DPYD: variants seen among roughly 807,000 people sequenced by gnomAD.
DPYD encodes the protein dihydropyrimidine dehydrogenase [NADP(+)].
In DPYD, 109 loss-of-function variants were observed where a neutral mutation model predicts 116.2. The ratio of observed to expected loss-of-function variants is 0.94; its 90% confidence interval spans 0.80 to 1.10. The LOEUF (loss-of-function observed/expected upper bound fraction) is 1.10. DPYD is among the 50% of genes least tolerant of loss of function. The probability of loss-of-function intolerance (pLI) is 0.00; values close to 1 mark genes in which losing one functional copy is unlikely to be tolerated. For missense variants in DPYD, 1,302 were observed against 1,254.5 expected, an observed-to-expected ratio of 1.04 and a Z score of -0.57; for synonymous variants, 440 against 432.0, an observed-to-expected ratio of 1.02 and a Z score of -0.23.
intron 20 of DPYD, among the ~76,000 whole-genome samples, chr1:97,127,545 AAAT>A (rs1183505136): frequency 6.6e-6 from 1 of 152,102 alleles, no homozygotes; most frequent in East Asian, 1.9e-4. Context: ...ATGACATTCT[AAAT>A]AATTCTAGAA....
At chr1:97,756,374 G>C (rs950107462) in intron 3 of DPYD, among the ~76,000 whole-genome samples, 4 of 152,120 alleles carry the variant, frequency 2.6e-5, no homozygotes, top group African/African-American at 9.7e-5. Context: ...AGGCCAATGA[G>C]TCTCCCTTTG....
At chr1:97,181,444 C>A (rs1266710634) in intron 20 of DPYD, among the ~76,000 whole-genome samples, 1 of 152,118 alleles carries the variant, frequency 6.6e-6, no homozygotes, top group Non-Finnish European at 1.5e-5. Context: ...CTACTCATGA[C>A]AATTTACTGC....
chr1:97,164,531 T>C lies in DPYD; in HGVS notation c.2622+28538A>G, dbSNP rs55881838. ...ATGATTCTATATCTAGAAAACCTCATAGTCTTGCCCCAAAAGTTCCTTCAG... is the reference window on the plus strand; with the variant it reads ...ATGATTCTATATCTAGAAAACCTCACAGTCTTGCCCCAAAAGTTCCTTCAG... On this transcript the variant is annotated intron_variant, in intron 20 of 22. Coordinates refer to ENST00000370192, the MANE Select transcript of DPYD (RefSeq NM_000110.4). 7.1e-3 allele frequency among the ~76,000 whole-genome samples: 1,078 copies of C among 152,260 alleles called. 2 individuals are homozygous for C. Among genetic ancestry groups the C allele is most frequent in the Non-Finnish European group, 0.012 (811 of 68,020 alleles).
At chr1:97,903,998 T>C (rs1558043699) in intron 1 of DPYD, among the ~76,000 whole-genome samples, 1 of 151,802 alleles carries the variant, frequency 6.6e-6, no homozygotes. Flanking sequence ...ATAGCTAACA[T>C]CTATTTCCAA....
intron 3 of DPYD, among the ~76,000 whole-genome samples, chr1:97,789,951 G>A (rs1015268885): frequency 1.3e-5 from 2 of 152,032 alleles, no homozygotes; most frequent in South Asian, 2.1e-4. Context: ...AACAAAAAAC[G>A]AAGCCCTTCA....
At chr1:97,171,310 G>GT (rs201981100) in intron 20 of DPYD, among the ~76,000 whole-genome samples, 2,638 of 152,280 alleles carry the variant, frequency 0.017, 35 homozygotes, top group Admixed American at 0.027. Context: ...ATACAGGTGA[G>GT]TAAGTATTGT....
At chr1:97,101,325 G>A (rs961449821) in intron 20 of DPYD, among the ~76,000 whole-genome samples, 2 of 151,776 alleles carry the variant, frequency 1.3e-5, no homozygotes. Flanking sequence ...ATATTAAAGT[G>A]GTCCTAAGGC....
intron 21 of DPYD, among the ~76,000 whole-genome samples, chr1:97,091,493 AAAGGACAAG>A (rs1232990194): frequency 1.1e-4 from 17 of 152,152 alleles, no homozygotes; most frequent in African/African-American, 4.1e-4. Context: ...AACCACAATA[AAAGGACAAG>A]AAGCAATGTC....
At chr1:97,442,879 C>G (rs1389238646) in intron 14 of DPYD, among the ~76,000 whole-genome samples, 1 of 152,138 alleles carries the variant, frequency 6.6e-6, no homozygotes, top group Non-Finnish European at 1.5e-5. Context: ...ATCTCCCTTT[C>G]ACAACATACA....
intron 10 of DPYD, among the ~76,000 whole-genome samples, chr1:97,584,201 A>G (rs1653917895): frequency 6.6e-6 from 1 of 152,152 alleles, no homozygotes; most frequent in South Asian, 2.1e-4. Context: ...TTTTGGCCGC[A>G]TAAATGTCTT....
At chr1:97,402,521 A>G (rs1673431267) in intron 14 of DPYD, among the ~76,000 whole-genome samples, 1 of 152,050 alleles carries the variant, frequency 6.6e-6, no homozygotes, top group Admixed American at 6.6e-5. Context: ...TTTTTGGTCA[A>G]TTCTTTCTGA....
At position 97,305,364 on chromosome 1, in the gene DPYD, C is replaced by T. The variant is rs1801160; in HGVS notation, c.2194G>A (p.Val732Ile). Residue 732 changes from valine to isoleucine, a missense_variant, in exon 18 of 23, where the codon GTT becomes ATT. Physicochemically the swap from Val to Ile is conservative, Grantham distance 29. Coordinates refer to ENST00000370192, the MANE Select transcript of DPYD (RefSeq NM_000110.4). ...CCTGAGACAGTGTTGGTGGCTGTAA[C>T]GCCATTGGCACCACCTATGCAAGAC... Reference protein sequence around the residue: ...RAAKEGGANGVTATNTVSGLM... With the variant: ...RAAKEGGANGITATNTVSGLM... The T allele has an allele frequency of 0.047, 75,368 of 1,612,218 alleles. 2,145 individuals are homozygous for T. Among genetic ancestry groups the T allele is most frequent in the Middle Eastern group, 0.12 (752 of 6,044 alleles).
intron 18 of DPYD, among the ~76,000 whole-genome samples, chr1:97,298,045 T>C (rs1406671548): frequency 6.6e-6 from 1 of 152,210 alleles, no homozygotes; most frequent in African/African-American, 2.4e-5. Flanking sequence ...CTTCATTTAC[T>C]ATAATTTGTT....
chr1:97,872,699 T>C (rs923565032), intron 2 of DPYD, among the ~76,000 whole-genome samples: 1 of 151,974 alleles, frequency 6.6e-6, no homozygotes, highest in Non-Finnish European at 1.5e-5. Context: ...AAACAAAGAA[T>C]GTGCCTTTTT....
chr1:97,119,968 AAAAGCTAAAC>A (rs1391395425), intron 20 of DPYD, among the ~76,000 whole-genome samples: 16 of 152,270 alleles, frequency 1.1e-4, no homozygotes, highest in Admixed American at 3.3e-4. Flanking sequence ...TCATCCACAC[AAAAGCTAAAC>A]GAAGACCCGC....
intron 16 of DPYD, among the ~76,000 whole-genome samples, chr1:97,326,324 TG>T (rs1056832920): frequency 6.6e-6 from 1 of 151,952 alleles, no homozygotes; most frequent in African/African-American, 2.4e-5. Context: ...GAGGTCTCTA[TG>T]GGACATCTAC....
chr1:97,236,712 A>C (rs1661955400), intron 18 of DPYD, among the ~76,000 whole-genome samples: 2 of 152,166 alleles, frequency 1.3e-5, no homozygotes, highest in Admixed American at 6.5e-5. Flanking sequence ...AATGCCCAAC[A>C]CCAAGTGTGA....
At chr1:97,856,337 C>T (rs1463719179) in intron 2 of DPYD, 1 of 151,834 alleles carries the variant, frequency 6.6e-6, no homozygotes, top group Non-Finnish European at 1.5e-5. Context: ...AGAATCTTCC[C>T]AAGGGAGGTG....
intron 19 of DPYD, among the ~76,000 whole-genome samples, chr1:97,215,316 A>C (rs1037627600): frequency 6.6e-6 from 1 of 152,202 alleles, no homozygotes; most frequent in Non-Finnish European, 1.5e-5. Context: ...TTTGGGTTGA[A>C]GCATTCATGA....
Sources: gnomAD v4.1 joint callset for allele counts (sites outside exome capture counted in the v4.1 genomes callset) on GRCh38, gnomAD v4.1.1 for gene constraint, MANE v1.5 for transcripts, NCBI Gene and HGNC (gene_info 2026-07-23, HGNC 2026-07-21) for gene names.